The following CACNA2D2 variants were observed in gnomAD, a reference collection of about 807,000 sequenced individuals.
CACNA2D2 encodes voltage-dependent calcium channel subunit alpha-2/delta-2.
In CACNA2D2, 48 loss-of-function variants were observed where a neutral mutation model predicts 166.4. That is an observed-to-expected ratio of 0.29 (90% CI 0.23 to 0.37). CACNA2D2 has a LOEUF of 0.37. Among genes scored for constraint, CACNA2D2 ranks in the 10% least tolerant of loss-of-function variants. The pLI, the probability that CACNA2D2 is intolerant of heterozygous loss-of-function variation, is 1.00. For synonymous variants in CACNA2D2, 561 were observed against 573.7 expected (o/e 0.98, Z 0.32); for missense variants, 1,122 against 1,433.0 (o/e 0.78, Z 3.50).
At chr3:50,481,489 TA>T (rs1217742076) in intron 1 of CACNA2D2, among the ~76,000 whole-genome samples, 1 of 151,986 alleles carries the variant, frequency 6.6e-6, no homozygotes, top group Non-Finnish European at 1.5e-5. Context: ...GGGTGGATAC[TA>T]GGGGTGGGCA....
intron 1 of CACNA2D2, among the ~76,000 whole-genome samples, chr3:50,481,398 G>C (rs1698050751): frequency 6.6e-6 from 1 of 152,212 alleles, no homozygotes; most frequent in African/African-American, 2.4e-5. Context: ...GATCAACCCT[G>C]TTCCACTGGG....
intron 13 of CACNA2D2, 51 bp downstream of exon 13, chr3:50,378,864 A>T: frequency 6.2e-7 from 1 of 1,608,272 alleles, no homozygotes; most frequent in South Asian, 1.1e-5. Context: ...TACGCAATCG[A>T]CAAAAAGAAA....
rs940928560 is a variant in CACNA2D2, at chr3:50,363,850, C to G, written c.*816G>C. On this transcript the variant is annotated 3_prime_UTR_variant, in exon 38 of 38. Transcript: ENST00000424201. ...GCATTTGGCACTGTTTGACATTCAG[C>G]TTTAGAAATGGGAGGACCAGCCAGG... The G allele has an allele frequency of 6.6e-6, 1 of 152,646 alleles. No homozygotes were observed. Among genetic ancestry groups the G allele is most frequent in the Non-Finnish European group, 1.5e-5 (1 of 68,174 alleles). 9.5% of individuals were successfully genotyped at this position (152,646 alleles called of 1,614,324 possible).
At chr3:50,416,637 C>G (rs1707277439) in intron 3 of CACNA2D2, among the ~76,000 whole-genome samples, 1 of 152,240 alleles carries the variant, frequency 6.6e-6, no homozygotes, top group Admixed American at 6.5e-5. Flanking sequence ...ACAGCACATG[C>G]AGTGGGGCCA....
intron 4 of CACNA2D2, among the ~76,000 whole-genome samples, chr3:50,389,583 G>C (rs1319061956): frequency 6.6e-6 from 1 of 152,192 alleles, no homozygotes; most frequent in Non-Finnish European, 1.5e-5. Context: ...CTGTGGCTGG[G>C]TCCTGCCTGC....
intron 1 of CACNA2D2, among the ~76,000 whole-genome samples, chr3:50,486,127 G>T (rs1188432332): frequency 1.3e-5 from 2 of 152,214 alleles, no homozygotes; most frequent in Non-Finnish European, 2.9e-5. Flanking sequence ...CTCAGGAGGT[G>T]AACACTGCTG....
chr3:50,381,569 T>A (rs1035676643), intron 6 of CACNA2D2, among the ~76,000 whole-genome samples: 7 of 151,664 alleles, frequency 4.6e-5, no homozygotes, highest in African/African-American at 1.7e-4. Context: ...GCTGGAATTA[T>A]TCAGCTATTA....
intron 3 of CACNA2D2, among the ~76,000 whole-genome samples, chr3:50,418,373 C>T (rs998177820): frequency 6.6e-6 from 1 of 152,218 alleles, no homozygotes; most frequent in African/African-American, 2.4e-5. Flanking sequence ...CCCTCCACTG[C>T]CCCGAACTCC....
intron 3 of CACNA2D2, among the ~76,000 whole-genome samples, chr3:50,423,550 A>G (rs999961182): frequency 6.6e-6 from 1 of 152,206 alleles, no homozygotes; most frequent in Non-Finnish European, 1.5e-5. Context: ...AAGAATGGAG[A>G]GCTGCCCACT....
At chr3:50,451,023 C>T (rs1709073775) in intron 2 of CACNA2D2, among the ~76,000 whole-genome samples, 1 of 152,230 alleles carries the variant, frequency 6.6e-6, no homozygotes, top group Admixed American at 6.5e-5. Flanking sequence ...AGTGACCAGT[C>T]CATGACCTCT....
chr3:50,410,577 G>A (rs137948203), intron 3 of CACNA2D2, among the ~76,000 whole-genome samples: 74 of 152,114 alleles, frequency 4.9e-4, no homozygotes, highest in African/African-American at 1.7e-3. Context: ...CCAGCCCACT[G>A]CTCTGCCTGG....
chr3:50,485,511 GTAAA>G (rs1454516741), intron 1 of CACNA2D2, among the ~76,000 whole-genome samples: 1 of 152,256 alleles, frequency 6.6e-6, no homozygotes, highest in Non-Finnish European at 1.5e-5. Flanking sequence ...TCCGTATTGA[GTAAA>G]TAATCATTAT....
chr3:50,460,932 G>C (rs1482555441), intron 2 of CACNA2D2, among the ~76,000 whole-genome samples: 1 of 151,996 alleles, frequency 6.6e-6, no homozygotes, highest in Non-Finnish European at 1.5e-5. Context: ...AATTTGATGA[G>C]AAGATTTTCT....
At chr3:50,416,512 C>A (rs903843929) in intron 3 of CACNA2D2, among the ~76,000 whole-genome samples, 1 of 152,230 alleles carries the variant, frequency 6.6e-6, no homozygotes, top group Non-Finnish European at 1.5e-5. Context: ...TGGCACTCCC[C>A]ACTCTGGGCT....
rs1401267092 is a variant in CACNA2D2, at chr3:50,381,134, G to A, written c.653-8C>T. 5 of 1,608,186 alleles carry A rather than the reference G, an allele frequency of 3.1e-6. No individual in the cohort carries two copies. The highest frequency in any genetic ancestry group is 1.7e-5 in the Admixed American group (1 of 59,904). On this transcript the variant is annotated splice_region_variant and splice_polypyrimidine_tract_variant and intron_variant, in intron 6 of 37. Transcript: ENST00000424201. ...CATTGAGGATGACAGTGGCTGGGGG[G>A]AAGCGGGGAGCTGGGGTGGGGAGCA...
chr3:50,460,853 C>CA (rs1288937273), intron 2 of CACNA2D2, among the ~76,000 whole-genome samples: 17 of 120,654 alleles, frequency 1.4e-4, no homozygotes, highest in African/African-American at 3.8e-4. Context: ...GACTCCGTCT[C>CA]AAAAAAAAAG....
intron 3 of CACNA2D2, 41 bp from the exon 4 acceptor site, chr3:50,394,209 C>T (rs1706031173): frequency 6.4e-7 from 1 of 1,573,238 alleles, no homozygotes; most frequent in Non-Finnish European, 8.7e-7. Flanking sequence ...CGGAGGAAGG[C>T]AGCCTGCCCT....
Position 50,381,101 on chromosome 3 carries a change from G to A in CACNA2D2, c.678C>T (p.Asn226=). The A allele has an allele frequency of 6.2e-7, 1 of 1,612,828 alleles. No homozygotes were observed. The highest frequency in any genetic ancestry group is 1.7e-5 in the Admixed American group (1 of 59,982). The change falls in exon 7 of 38, where the codon AAC becomes AAT. Residue 226 remains asparagine (N), a synonymous_variant. Coordinates refer to ENST00000424201, the MANE Select transcript of CACNA2D2 (RefSeq NM_006030.4). ...ACACATTCTCCAGGGCCTCTGTCCAGTTGAGCTCATTGAGGATGACAGTGG... is the reference window on the plus strand; with the variant it reads ...ACACATTCTCCAGGGCCTCTGTCCAATTGAGCTCATTGAGGATGACAGTGG... ...KGSTVILNEL[N]WTEALENVFM... is the part of the protein sequence containing the mutation.
intron 4 of CACNA2D2, among the ~76,000 whole-genome samples, chr3:50,388,627 G>A (rs587656017): frequency 1.3e-5 from 2 of 152,336 alleles, no homozygotes; most frequent in African/African-American, 4.8e-5. Context: ...CGCAGATGTC[G>A]CCCGGACACC....
Sources: gnomAD v4.1 joint callset for allele counts (sites outside exome capture counted in the v4.1 genomes callset) on GRCh38, gnomAD v4.1.1 for gene constraint, MANE v1.5 for transcripts, NCBI Gene and HGNC (gene_info 2026-07-23, HGNC 2026-07-21) for gene names.